The following PRKG2 variants were observed in gnomAD, a reference collection of about 807,000 sequenced individuals.
PRKG2 encodes cGMP-dependent protein kinase 2.
PRKG2 carries 33 observed loss-of-function variants against 97.2 expected under a neutral mutation model. That is an observed-to-expected ratio of 0.34 (90% CI 0.26 to 0.45). The LOEUF is 0.45. Among genes scored for constraint, PRKG2 ranks in the 20% least tolerant of loss-of-function variants. PRKG2 has a pLI of 1.00. For missense variants in PRKG2, 638 were observed against 900.0 expected (o/e 0.71, Z 3.73); for synonymous variants, 330 against 321.8 (o/e 1.03, Z -0.27).
chr4:81,137,337 A>T, intron 13 of PRKG2, 56 bp downstream of exon 13: 1 of 1,247,480 alleles, frequency 8.0e-7, no homozygotes, highest in Non-Finnish European at 1.2e-6. Context: ...TGCCTTTTTT[A>T]ATGATTATAA....
At chr4:81,139,709 A>G (rs1233004394) in intron 12 of PRKG2, among the ~76,000 whole-genome samples, 1 of 146,836 alleles carries the variant, frequency 6.8e-6, no homozygotes, top group African/African-American at 2.5e-5. Context: ...CCAGAGGCGG[A>G]GCTTGCAGTG....
intron 6 of PRKG2, among the ~76,000 whole-genome samples, chr4:81,158,680 C>T (rs1749329917): frequency 6.6e-6 from 1 of 152,054 alleles, no homozygotes; most frequent in African/African-American, 2.4e-5. Flanking sequence ...AGGCATCACA[C>T]TACCTGACTT....
At chr4:81,204,545 T>C (rs1753522604) in intron 2 of PRKG2, 42 bp downstream of exon 2, 1 of 1,535,314 alleles carries the variant, frequency 6.5e-7, no homozygotes, top group Non-Finnish European at 8.9e-7. Context: ...TATTTCACAA[T>C]ATTAAGCCCA....
At chr4:81,108,571 T>C (rs376860709) in intron 15 of PRKG2, among the ~76,000 whole-genome samples, 2 of 151,928 alleles carry the variant, frequency 1.3e-5, no homozygotes, top group African/African-American at 4.8e-5. Flanking sequence ...CAGAAAATCA[T>C]TTACAGGTCA....
intron 14 of PRKG2, among the ~76,000 whole-genome samples, chr4:81,124,974 A>T (rs1396693441): frequency 3.9e-5 from 6 of 151,976 alleles, no homozygotes; most frequent in Non-Finnish European, 2.9e-5. Flanking sequence ...TGCTTTTCCC[A>T]CATTCTCTAT....
chr4:81,123,951 C>CT (rs1004166281), intron 14 of PRKG2, among the ~76,000 whole-genome samples: 3 of 152,030 alleles, frequency 2.0e-5, no homozygotes, highest in African/African-American at 7.3e-5. Flanking sequence ...GTTATTTCAC[C>CT]TTTTTTACAT....
At chr4:81,154,352 G>T (rs1156752269) in intron 6 of PRKG2, 3 of 152,260 alleles carry the variant, frequency 2.0e-5, no homozygotes, top group Non-Finnish European at 4.4e-5. Context: ...AGTAACCTCT[G>T]CAGATTTAAA....
chr4:81,104,778 A>T (rs1186122108), intron 16 of PRKG2, among the ~76,000 whole-genome samples: 1 of 152,136 alleles, frequency 6.6e-6, no homozygotes, highest in Non-Finnish European at 1.5e-5. Flanking sequence ...TTTACATCTA[A>T]GCTGAAATCT....
chr4:81,181,682 A>G (rs1751425041), intron 2 of PRKG2, among the ~76,000 whole-genome samples: 1 of 151,180 alleles, frequency 6.6e-6, no homozygotes, highest in Non-Finnish European at 1.5e-5. Context: ...AGAAATAAGA[A>G]GAAGACATCA....
At chr4:81,138,620 T>G (rs1206867260) in intron 12 of PRKG2, among the ~76,000 whole-genome samples, 1 of 151,230 alleles carries the variant, frequency 6.6e-6, no homozygotes, top group Non-Finnish European at 1.5e-5. Context: ...ATAAATGTGT[T>G]GATTATCTAT....
intron 14 of PRKG2, among the ~76,000 whole-genome samples, chr4:81,129,673 T>C (rs1279116421): frequency 2.6e-5 from 4 of 152,178 alleles, no homozygotes; most frequent in Admixed American, 2.0e-4. Flanking sequence ...TTCTTTTGCT[T>C]TCCATTTGCT....
chr4:81,112,860 A>G (rs773638160), intron 14 of PRKG2, among the ~76,000 whole-genome samples: 5 of 152,182 alleles, frequency 3.3e-5, no homozygotes, highest in Non-Finnish European at 7.3e-5. Context: ...ACTACCAGAA[A>G]GTCTCAGTCT....
intron 16 of PRKG2, 27 bp from the exon 17 acceptor site, chr4:81,104,459 T>C (rs1743122876): frequency 1.8e-6 from 2 of 1,093,258 alleles, no homozygotes; most frequent in Non-Finnish European, 2.4e-6. Flanking sequence ...TAAAAGGCAA[T>C]TTATAATAAT....
At chr4:81,167,263 A>G (rs1277181052) in intron 5 of PRKG2, 39 bp from the exon 6 acceptor site, 8 of 1,334,618 alleles carry the variant, frequency 6.0e-6, no homozygotes, top group African/African-American at 3.0e-5. Context: ...ACCTTCCTGA[A>G]TTAAACTATA....
At chr4:81,092,317 A>G (rs1466208797) in intron 18 of PRKG2, 69 bp downstream of exon 18, 5 of 1,081,744 alleles carry the variant, frequency 4.6e-6, no homozygotes, top group East Asian at 2.5e-5. Context: ...ACATACACAC[A>G]TCTAAAATCT....
chr4:81,168,539 T>C (rs1163792537), intron 5 of PRKG2, among the ~76,000 whole-genome samples: 3 of 152,146 alleles, frequency 2.0e-5, no homozygotes, highest in African/African-American at 4.8e-5. Context: ...TACCTCTTTT[T>C]GGCCCTTACG....
intron 18 of PRKG2, 59 bp downstream of exon 18, chr4:81,092,327 T>C (rs1741622824): frequency 4.2e-6 from 5 of 1,197,872 alleles, no homozygotes; most frequent in Admixed American, 2.3e-5. Flanking sequence ...ATCTAAAATC[T>C]GTGTACAAAA....
At chr4:81,186,398 G>C (rs188506346) in intron 2 of PRKG2, among the ~76,000 whole-genome samples, 1 of 152,124 alleles carries the variant, frequency 6.6e-6, no homozygotes, top group Non-Finnish European at 1.5e-5. Flanking sequence ...AATTAAGGCA[G>C]AAATAAATAA....
At chr4:81,114,913 G>T (rs1744356278) in intron 14 of PRKG2, among the ~76,000 whole-genome samples, 1 of 151,374 alleles carries the variant, frequency 6.6e-6, no homozygotes, top group African/African-American at 2.4e-5. Context: ...TTTGATCTTG[G>T]GCAAATGTCT....
Sources: gnomAD v4.1 joint callset for allele counts (sites outside exome capture counted in the v4.1 genomes callset) on GRCh38, gnomAD v4.1.1 for gene constraint, MANE v1.5 for transcripts, NCBI Gene and HGNC (gene_info 2026-07-23, HGNC 2026-07-21) for gene names.